RBFOX1: variants seen among roughly 807,000 people sequenced by gnomAD.
The protein encoded by RBFOX1 is RNA binding protein fox-1 homolog 1.
RBFOX1 carries 8 observed loss-of-function variants against 57.7 expected under a neutral mutation model. That is an observed-to-expected ratio of 0.14 (90% CI 0.08 to 0.25). The LOEUF (loss-of-function observed/expected upper bound fraction) is 0.25, where lower values mean the gene tolerates loss of function less well. RBFOX1 is among the 10% of genes least tolerant of loss of function. The probability of loss-of-function intolerance (pLI) is 1.00; values close to 1 mark genes in which losing one functional copy is unlikely to be tolerated. For missense variants in RBFOX1, 611 were observed against 548.5 expected, an observed-to-expected ratio of 1.11 and a Z score of -1.14; for synonymous variants, 326 against 222.4, an observed-to-expected ratio of 1.47 and a Z score of -4.15.
chr16:7,169,508 T>A (rs1173512370), intron 4 of RBFOX1, among the ~76,000 whole-genome samples: 1 of 152,194 alleles, frequency 6.6e-6, no homozygotes, highest in Non-Finnish European at 1.5e-5. Context: ...TCTATAGACA[T>A]GGCCTAATGT....
At chr16:7,695,000 T>A (rs527911841) in intron 14 of RBFOX1, among the ~76,000 whole-genome samples, 31 of 152,132 alleles carry the variant, frequency 2.0e-4, no homozygotes, top group African/African-American at 7.5e-4. Context: ...CCCTGCCTTA[T>A]AAGCAAGTGA....
chr16:6,047,226 G>A (rs1367991470), intron 1 of RBFOX1, among the ~76,000 whole-genome samples: 1 of 152,190 alleles, frequency 6.6e-6, no homozygotes, highest in Non-Finnish European at 1.5e-5. Flanking sequence ...GTGTGTATGT[G>A]CGTGTGTTTC....
chr16:6,405,533 C>T (rs541671547), intron 2 of RBFOX1, among the ~76,000 whole-genome samples: 2 of 152,264 alleles, frequency 1.3e-5, no homozygotes, highest in South Asian at 4.2e-4. Context: ...ACCAGCTGAT[C>T]CATGCTTAGG....
chr16:5,702,414 C>G (rs753999448), intron 3 of RBFOX1, among the ~76,000 whole-genome samples: 1 of 152,210 alleles, frequency 6.6e-6, no homozygotes. Flanking sequence ...CACCGTGTCC[C>G]TCCTTCAATT....
At chr16:7,008,438 T>C (rs761412466) in intron 3 of RBFOX1, among the ~76,000 whole-genome samples, 1 of 151,584 alleles carries the variant, frequency 6.6e-6, no homozygotes, top group Non-Finnish European at 1.5e-5. Flanking sequence ...CACTCAGAAG[T>C]CAGAGGCAGC....
At chr16:7,281,964 C>G (rs998340151) in intron 4 of RBFOX1, among the ~76,000 whole-genome samples, 1 of 152,184 alleles carries the variant, frequency 6.6e-6, no homozygotes, top group Non-Finnish European at 1.5e-5. Context: ...CTCCTGGGCT[C>G]CAGCAATCCT....
chr16:6,676,758 C>G (rs1023972416), intron 3 of RBFOX1, among the ~76,000 whole-genome samples: 1 of 147,542 alleles, frequency 6.8e-6, no homozygotes, highest in Admixed American at 7.0e-5. Context: ...TCACTGCAAC[C>G]TTTGCCTCCC....
intron 4 of RBFOX1, among the ~76,000 whole-genome samples, chr16:7,297,134 C>G (rs1219446855): frequency 6.6e-6 from 1 of 152,126 alleles, no homozygotes; most frequent in Non-Finnish European, 1.5e-5. Flanking sequence ...ACCTCCTGAG[C>G]TTTCTCTTCA....
intron 3 of RBFOX1, among the ~76,000 whole-genome samples, chr16:5,835,894 A>G (rs551636932): frequency 5.6e-4 from 86 of 152,218 alleles, no homozygotes; most frequent in African/African-American, 1.9e-3. Flanking sequence ...GGAGAGAGAC[A>G]CCTGCCTGGC....
chr16:6,321,748 G>C (rs911964325), intron 2 of RBFOX1, among the ~76,000 whole-genome samples: 4 of 152,202 alleles, frequency 2.6e-5, no homozygotes, highest in African/African-American at 9.6e-5. Context: ...GGGGTATTGT[G>C]TAAGTGAGAG....
intron 14 of RBFOX1, among the ~76,000 whole-genome samples, chr16:7,705,677 A>AT (rs1213988277): frequency 6.6e-6 from 1 of 152,186 alleles, no homozygotes; most frequent in Admixed American, 6.5e-5. Flanking sequence ...TTAGATTTAT[A>AT]TTTAAGTGGA....
At chr16:7,700,662 T>A (rs573014898) in intron 14 of RBFOX1, among the ~76,000 whole-genome samples, 2 of 152,302 alleles carry the variant, frequency 1.3e-5, no homozygotes, top group East Asian at 3.9e-4. Context: ...GAGCTCTGCA[T>A]TAAAGAGAAT....
intron 2 of RBFOX1, among the ~76,000 whole-genome samples, chr16:5,579,495 C>G (rs1415441831): frequency 6.6e-6 from 1 of 152,174 alleles, no homozygotes; most frequent in East Asian, 1.9e-4. Context: ...CACACCTGAC[C>G]TTGCTTCAAC....
chr16:7,190,400 C>T (rs537632359), intron 4 of RBFOX1, among the ~76,000 whole-genome samples: 1 of 152,120 alleles, frequency 6.6e-6, no homozygotes, highest in East Asian at 1.9e-4. Context: ...AATAAAACTT[C>T]CCTCATTGTT....
At chr16:5,576,308 T>G (rs1297093396) in intron 2 of RBFOX1, among the ~76,000 whole-genome samples, 1 of 152,214 alleles carries the variant, frequency 6.6e-6, no homozygotes, top group Admixed American at 6.5e-5. Context: ...TTTTCATTTT[T>G]TGATGGGGTC....
chr16:6,437,871 A>G (rs1018856432), intron 2 of RBFOX1, among the ~76,000 whole-genome samples: 4 of 152,172 alleles, frequency 2.6e-5, no homozygotes, highest in African/African-American at 9.7e-5. Flanking sequence ...ACGTCCCACC[A>G]GCTCCCTCCT....
chr16:7,356,519 G>T (rs956131675), intron 4 of RBFOX1, among the ~76,000 whole-genome samples: 3 of 152,138 alleles, frequency 2.0e-5, no homozygotes, highest in African/African-American at 7.2e-5. Context: ...AGGAAATGAT[G>T]TCGGGTGGTA....
chr16:6,795,634 G>GT (rs1567279375), intron 3 of RBFOX1, among the ~76,000 whole-genome samples: 1 of 151,788 alleles, frequency 6.6e-6, no homozygotes, highest in Non-Finnish European at 1.5e-5. Flanking sequence ...GGCATGGTTG[G>GT]GGGTGCCTGT....
upstream of RBFOX1, among the ~76,000 whole-genome samples, chr16:6,018,225 G>GAA (rs2095010992): frequency 6.7e-6 from 1 of 149,654 alleles, no homozygotes; most frequent in Admixed American, 6.6e-5. Flanking sequence ...AGGGAGGGAG[G>GAA]GAAAGGAAAA....
Sources: gnomAD v4.1 joint callset for allele counts (sites outside exome capture counted in the v4.1 genomes callset) on GRCh38, gnomAD v4.1.1 for gene constraint, MANE v1.5 for transcripts, NCBI Gene and HGNC (gene_info 2026-07-23, HGNC 2026-07-21) for gene names.